Variants in GPHN observed in about 807,000 individuals in gnomAD.
GPHN encodes the protein gephyrin.
GPHN carries 17 observed loss-of-function variants against 95.5 expected under a neutral mutation model. The ratio of observed to expected loss-of-function variants is 0.18; its 90% CI spans 0.12 to 0.27. The LOEUF is 0.27. Among genes scored for constraint, GPHN ranks in the 10% least tolerant of loss-of-function variants. The pLI is 1.00. For synonymous variants in GPHN, 320 were observed against 322.5 expected (o/e 0.99, Z 0.08); for missense variants, 660 against 978.1 (o/e 0.67, Z 4.34).
the GPHN span, among the ~76,000 whole-genome samples, chr14:67,632,837 T>TTTTTC: frequency 8.0e-6 from 1 of 124,550 alleles, no homozygotes; most frequent in Non-Finnish European, 1.7e-5. Context: ...TTTTTTTTTT[T>TTTTTC]TGAGGCAGAG....
Position 66,508,419 on chromosome 14 carries a change from T to G in GPHN, c.-109T>G. Reference sequence around the variant, plus strand: ...TCCTTCCCCGCTCTCCTCGCGCTTCTCTGGCTCCCTAGCTGTCGCGCTCTC... The same window carrying G: ...TCCTTCCCCGCTCTCCTCGCGCTTCGCTGGCTCCCTAGCTGTCGCGCTCTC... On this transcript the variant is annotated 5_prime_UTR_variant, in exon 1 of 23. Coordinates refer to ENST00000478722, the MANE Select transcript of GPHN (RefSeq NM_020806.5). The G allele has an allele frequency of 2.1e-6, 2 of 971,064 alleles. No homozygotes were observed. The highest frequency in any genetic ancestry group is 3.4e-6 in the Non-Finnish European group (2 of 595,798). 60.2% of individuals were successfully genotyped at this position (971,064 alleles called of 1,614,324 possible).
chr14:67,107,359 C>T lies in GPHN; in HGVS notation c.1294-2781C>T, dbSNP rs142473522. ...AGGGTCTTGTGAATCCATTGTGGCA[C>T]CTGGTTCTTGGGGTTCAGGTTCACT... On this transcript the variant is annotated intron_variant, in intron 13 of 22. Coordinates refer to ENST00000478722, the MANE Select transcript of GPHN (RefSeq NM_020806.5). Among the ~76,000 whole-genome samples the T allele has an allele frequency of 5.3e-3, 812 of 152,190 alleles. 4 individuals are homozygous for T. Among genetic ancestry groups the T allele is most frequent in the Admixed American group, 9.8e-3 (150 of 15,292 alleles).
At chr14:66,902,199 C>G (rs1287351195) in intron 5 of GPHN, among the ~76,000 whole-genome samples, 1 of 151,874 alleles carries the variant, frequency 6.6e-6, no homozygotes, top group African/African-American at 2.4e-5. Flanking sequence ...AGAAATGCTA[C>G]TGCTTTTTGT....
At chr14:67,559,135 C>T in the GPHN span, among the ~76,000 whole-genome samples, 1 of 152,218 alleles carries the variant, frequency 6.6e-6, no homozygotes, top group Non-Finnish European at 1.5e-5. Flanking sequence ...CCAACCTTTT[C>T]AATCATCTCC....
intron 6 of GPHN, among the ~76,000 whole-genome samples, chr14:66,920,960 C>CAT (rs1215490838): frequency 2.0e-5 from 3 of 152,042 alleles, no homozygotes; most frequent in Admixed American, 6.5e-5. Context: ...AATATACCAT[C>CAT]ATATATATAT....
chr14:67,093,507 T>C (rs1217628254), intron 12 of GPHN, among the ~76,000 whole-genome samples: 2 of 152,136 alleles, frequency 1.3e-5, no homozygotes, highest in East Asian at 3.8e-4. Flanking sequence ...TACTATAGGA[T>C]ACTTTCAGTG....
At chr14:67,338,819 T>C in the GPHN span, 3 of 1,477,444 alleles carry the variant, frequency 2.0e-6, no homozygotes, top group South Asian at 2.6e-5. Flanking sequence ...TTAAGTAGAT[T>C]TGATTTCTTT....
the GPHN span, among the ~76,000 whole-genome samples, chr14:67,322,577 A>G: frequency 1.3e-5 from 2 of 152,178 alleles, no homozygotes; most frequent in Non-Finnish European, 2.9e-5. Context: ...AATAGTAATT[A>G]GGGATTTTTG....
intron 12 of GPHN, among the ~76,000 whole-genome samples, chr14:67,099,177 T>G (rs1218678443): frequency 6.6e-6 from 1 of 151,716 alleles, no homozygotes; most frequent in Non-Finnish European, 1.5e-5. Context: ...TGGCACGATC[T>G]CAGCTCACCA....
At chr14:67,397,649 G>A in the GPHN span, 2 of 1,603,858 alleles carry the variant, frequency 1.2e-6, no homozygotes, top group Non-Finnish European at 1.7e-6. Flanking sequence ...GGACAGCAGG[G>A]GCCATCACTT....
chr14:66,650,393 G>T (rs2064987217), intron 1 of GPHN, among the ~76,000 whole-genome samples: 1 of 152,178 alleles, frequency 6.6e-6, no homozygotes, highest in South Asian at 2.1e-4. Flanking sequence ...ATTCTTAGTG[G>T]CTAACCACAT....
the GPHN span, among the ~76,000 whole-genome samples, chr14:67,193,255 TCTATATA>T: frequency 1.2e-4 from 17 of 139,254 alleles, no homozygotes; most frequent in African/African-American, 3.9e-4. Flanking sequence ...TCTATATATC[TCTATATA>T]GACATCTATC....
chr14:67,323,222 CATATATACACGTGT>C, the GPHN span, among the ~76,000 whole-genome samples: 5 of 107,718 alleles, frequency 4.6e-5, no homozygotes, highest in South Asian at 3.8e-4. Flanking sequence ...CATATATACA[CATATATACACGTGT>C]GTGTGTGTGT....
the GPHN span, among the ~76,000 whole-genome samples, chr14:67,290,417 T>C: frequency 2.0e-5 from 3 of 152,158 alleles, no homozygotes; most frequent in African/African-American, 7.2e-5. Context: ...AAAGGAATTA[T>C]TATTTGATGA....
chr14:67,600,159 C>T, the GPHN span: 1 of 1,589,834 alleles, frequency 6.3e-7, no homozygotes, highest in Non-Finnish European at 8.6e-7. Flanking sequence ...GCTGCAGCGC[C>T]AGGCGGCCGC....
chr14:67,047,366 G>GTTTT (rs1196897917), intron 10 of GPHN, among the ~76,000 whole-genome samples: 75 of 108,742 alleles, frequency 6.9e-4, no homozygotes, highest in Non-Finnish European at 1.1e-3. Flanking sequence ...GTGTGTGTTT[G>GTTTT]TTTTTTTTTT....
the GPHN span, among the ~76,000 whole-genome samples, chr14:67,511,064 T>C: frequency 1.3e-5 from 2 of 152,202 alleles, no homozygotes; most frequent in African/African-American, 4.8e-5. Flanking sequence ...AAGGCCTTAC[T>C]AAAACTCAGG....
At chr14:66,561,969 T>C (rs921099227) in intron 1 of GPHN, among the ~76,000 whole-genome samples, 10 of 152,092 alleles carry the variant, frequency 6.6e-5, no homozygotes, top group Non-Finnish European at 1.2e-4. Context: ...AAGCCAACAA[T>C]GATGGGTTGA....
At chr14:67,597,252 G>A in the GPHN span, among the ~76,000 whole-genome samples, 1 of 152,208 alleles carries the variant, frequency 6.6e-6, no homozygotes, top group African/African-American at 2.4e-5. Context: ...CCAACATGGG[G>A]GGATCGCTTG....
Sources: gnomAD v4.1 joint callset for allele counts (sites outside exome capture counted in the v4.1 genomes callset) on GRCh38, gnomAD v4.1.1 for gene constraint, MANE v1.5 for transcripts, NCBI Gene and HGNC (gene_info 2026-07-23, HGNC 2026-07-21) for gene names.